CTNNA3: variants seen among roughly 807,000 people sequenced by gnomAD.
The protein encoded by CTNNA3 is catenin alpha-3.
In CTNNA3, 76 loss-of-function variants were observed where a neutral mutation model predicts 95.7. That is an observed-to-expected ratio of 0.79 (90% CI 0.66 to 0.96). The LOEUF (loss-of-function observed/expected upper bound fraction) is 0.96, where lower values mean the gene tolerates loss of function less well. CTNNA3 is among the 40% of genes least tolerant of loss of function. The pLI, the probability that CTNNA3 is intolerant of heterozygous loss-of-function variation, is 0.00. For synonymous variants in CTNNA3, 431 were observed against 374.4 expected, an observed-to-expected ratio of 1.15 and a Z score of -1.74; for missense variants, 1,191 against 1,089.8, an observed-to-expected ratio of 1.09 and a Z score of -1.31.
At chr10:66,018,513 A>G (rs963511563) in intron 15 of CTNNA3, among the ~76,000 whole-genome samples, 3 of 152,092 alleles carry the variant, frequency 2.0e-5, no homozygotes, top group Admixed American at 2.0e-4. Flanking sequence ...CATCTATTTT[A>G]CCAGTCATTC....
intron 3 of CTNNA3, among the ~76,000 whole-genome samples, chr10:67,561,811 C>A (rs1245718263): frequency 6.6e-6 from 1 of 151,806 alleles, no homozygotes; most frequent in Non-Finnish European, 1.5e-5. Context: ...GGGGATATCA[C>A]CGCCAATGCC....
At chr10:66,638,120 A>T (rs1351614528) in intron 9 of CTNNA3, among the ~76,000 whole-genome samples, 1 of 152,178 alleles carries the variant, frequency 6.6e-6, no homozygotes, top group African/African-American at 2.4e-5. Flanking sequence ...AAAAAGCTTA[A>T]ATCTAAGCAA....
chr10:66,389,686 T>C (rs1306271785), intron 11 of CTNNA3, among the ~76,000 whole-genome samples: 1 of 151,282 alleles, frequency 6.6e-6, no homozygotes, highest in Admixed American at 6.6e-5. Flanking sequence ...AAAATTATAA[T>C]TTTTTCTAGT....
chr10:67,028,286 G>A (rs1405816968), intron 7 of CTNNA3, among the ~76,000 whole-genome samples: 1 of 152,102 alleles, frequency 6.6e-6, no homozygotes, highest in Non-Finnish European at 1.5e-5. Context: ...TAATGGCACA[G>A]GCAGATAAAT....
intron 7 of CTNNA3, among the ~76,000 whole-genome samples, chr10:66,873,195 G>A (rs1253272294): frequency 6.6e-6 from 1 of 151,844 alleles, no homozygotes; most frequent in African/African-American, 2.4e-5. Context: ...GATACCTTTG[G>A]GTATATATAC....
intron 13 of CTNNA3, among the ~76,000 whole-genome samples, chr10:66,269,891 T>C (rs1377231549): frequency 1.3e-5 from 2 of 152,190 alleles, no homozygotes; most frequent in African/African-American, 2.4e-5. Flanking sequence ...GATCCGACTT[T>C]GCAGAAGCTT....
chr10:65,962,621 T>C (rs377011980), intron 17 of CTNNA3, among the ~76,000 whole-genome samples: 3 of 152,128 alleles, frequency 2.0e-5, no homozygotes, highest in South Asian at 2.1e-4. Context: ...TTTTGTTACA[T>C]AGATATACAC....
intron 7 of CTNNA3, among the ~76,000 whole-genome samples, chr10:67,139,419 C>T (rs10822981): frequency 0.4 from 59,661 of 147,806 alleles, 12,005 homozygotes; most frequent in Middle Eastern, 0.61. Context: ...AGTGCTGGGA[C>T]CACAGGCACG....
intron 12 of CTNNA3, among the ~76,000 whole-genome samples, chr10:66,332,777 G>T (rs1188999373): frequency 2.6e-5 from 4 of 151,948 alleles, no homozygotes; most frequent in South Asian, 2.1e-4. Context: ...TTTTTCTATT[G>T]ATTCGAATAG....
At chr10:66,845,725 A>AAAAAAAAAAAAAAAAAAAAAAAAAAC (rs1160996707) in intron 7 of CTNNA3, among the ~76,000 whole-genome samples, 1 of 100,340 alleles carries the variant, frequency 1.0e-5, no homozygotes, top group Non-Finnish European at 2.1e-5. Context: ...AAAAAAAAAA[A>AAAAAAAAAAAAAAAAAAAAAAAAAAC]AAAACTAAAA....
chr10:66,241,197 T>C (rs2090089429), intron 13 of CTNNA3, among the ~76,000 whole-genome samples: 1 of 152,144 alleles, frequency 6.6e-6, no homozygotes, highest in Non-Finnish European at 1.5e-5. Context: ...ATTGGGTAAA[T>C]GTAAAACTGG....
At chr10:66,702,349 G>A (rs540221348) in intron 9 of CTNNA3, among the ~76,000 whole-genome samples, 164 of 152,086 alleles carry the variant, frequency 1.1e-3, no homozygotes, top group African/African-American at 3.9e-3. Context: ...ACCAGGAAGT[G>A]AGTCCTCTAG....
chr10:67,139,991 A>G (rs1016940743), intron 7 of CTNNA3, among the ~76,000 whole-genome samples: 2 of 152,332 alleles, frequency 1.3e-5, no homozygotes, highest in Non-Finnish European at 2.9e-5. Flanking sequence ...TGATCTGTCT[A>G]TAGAGTGCTT....
intron 13 of CTNNA3, among the ~76,000 whole-genome samples, chr10:66,151,934 C>CT (rs1293261557): frequency 6.6e-6 from 1 of 151,848 alleles, no homozygotes; most frequent in African/African-American, 2.4e-5. Flanking sequence ...AGATTGAATG[C>CT]TATAGAAATA....
At chr10:66,363,544 A>G (rs1471025861) in intron 12 of CTNNA3, among the ~76,000 whole-genome samples, 1 of 152,186 alleles carries the variant, frequency 6.6e-6, no homozygotes, top group Non-Finnish European at 1.5e-5. Context: ...ACTGTGAAAA[A>G]TAAATCTCTA....
intron 13 of CTNNA3, among the ~76,000 whole-genome samples, chr10:66,194,413 C>G (rs1043078092): frequency 6.6e-6 from 1 of 152,012 alleles, no homozygotes; most frequent in Non-Finnish European, 1.5e-5. Flanking sequence ...AAGCCCGTCT[C>G]TACTAAAAAT....
intron 12 of CTNNA3, among the ~76,000 whole-genome samples, chr10:66,341,558 A>G (rs572072108): frequency 3.3e-5 from 5 of 152,096 alleles, no homozygotes; most frequent in Admixed American, 3.3e-4. Context: ...AGTTATTATT[A>G]AAGTTGGCAG....
Position 66,000,647 on chromosome 10 carries a change from A to G in CTNNA3, c.2160-11850T>C, listed in dbSNP as rs536758449. On this transcript the variant is annotated intron_variant, in intron 15 of 17. Coordinates refer to ENST00000433211, the MANE Select transcript of CTNNA3 (RefSeq NM_013266.4). Reference sequence around the variant, plus strand: ...CCCATAACATAGCGGTTGATTTTATAGATGAAAACAATAATAGCATATATT... The same window carrying G: ...CCCATAACATAGCGGTTGATTTTATGGATGAAAACAATAATAGCATATATT... Among the ~76,000 whole-genome samples the G allele has an allele frequency of 1.6e-4, 24 of 152,318 alleles. No homozygotes were observed. In the South Asian group the frequency reaches 2.5e-3, roughly 16 times the overall value.
At chr10:66,141,172 T>C (rs2083597282) in intron 13 of CTNNA3, among the ~76,000 whole-genome samples, 1 of 151,668 alleles carries the variant, frequency 6.6e-6, no homozygotes, top group Non-Finnish European at 1.5e-5. Context: ...AGCATGAGAA[T>C]TGCTTGAGCC....
Sources: allele counts gnomAD v4.1 joint callset (sites outside exome capture counted in the v4.1 genomes callset), GRCh38; gene constraint gnomAD v4.1.1; transcripts MANE v1.5; gene names NCBI Gene and HGNC (gene_info 2026-07-23, HGNC 2026-07-21).